MRPL22: variants seen among roughly 807,000 people sequenced by gnomAD.
MRPL22 encodes mitochondrial ribosomal protein L22, also known as large ribosomal subunit protein uL22m.
Under a neutral mutation model 32.4 loss-of-function variants are expected in MRPL22, and 27 were observed. That is an observed-to-expected ratio of 0.83 (90% CI 0.61 to 1.15). MRPL22 has a LOEUF of 1.15. MRPL22 is among the 50% of genes most tolerant of loss of function. The pLI, the probability that MRPL22 is intolerant of heterozygous loss-of-function variation, is 0.00. For missense variants in MRPL22, 239 were observed against 260.2 expected, an observed-to-expected ratio of 0.92 and a Z score of 0.56; for synonymous variants, 86 against 87.3, an observed-to-expected ratio of 0.99 and a Z score of 0.08.
chr5:154,957,338 T>C (rs1764643907), intron 5 of MRPL22, 126 bp downstream of exon 5: 2 of 698,390 alleles, frequency 2.9e-6, no homozygotes, highest in Non-Finnish European at 4.9e-6. Flanking sequence ...GCATACTTTA[T>C]ATAATACAGA....
chr5:154,951,686 G>A lies in MRPL22; in HGVS notation c.195+748G>A, dbSNP rs911349124. On this transcript the variant is annotated intron_variant, in intron 3 of 6. Coordinates refer to ENST00000523037, the MANE Select transcript of MRPL22 (RefSeq NM_014180.4). Reference sequence around the variant, plus strand: ...GGAGTAGCTGGGATTACAGGTGCCCGCCACGATGACCAGCTAATTTTTGTA... The same window carrying A: ...GGAGTAGCTGGGATTACAGGTGCCCACCACGATGACCAGCTAATTTTTGTA... 4.6e-5 allele frequency among the ~76,000 whole-genome samples: 7 copies of A among 151,896 alleles called. No individual in the cohort carries two copies. The South Asian group carries it at 8.3e-4, about 18-fold the overall frequency.
At chr5:154,943,327 T>C (rs908821614) in intron 2 of MRPL22, among the ~76,000 whole-genome samples, 1 of 151,808 alleles carries the variant, frequency 6.6e-6, no homozygotes, top group African/African-American at 2.4e-5. Context: ...CTCAGGCTGG[T>C]CTCTAACTCC....
chr5:154,966,352 C>T (rs574912744), intron 6 of MRPL22, among the ~76,000 whole-genome samples: 2 of 152,324 alleles, frequency 1.3e-5, no homozygotes, highest in African/African-American at 4.8e-5. Context: ...TCCCTTACAC[C>T]CCATCATTGT....
chr5:154,948,032 C>G (rs906600050), intron 2 of MRPL22, among the ~76,000 whole-genome samples: 1 of 152,186 alleles, frequency 6.6e-6, no homozygotes, highest in African/African-American at 2.4e-5. Flanking sequence ...CTATGTCTCG[C>G]TAAAGAGTCT....
chr5:154,953,136 A>G (rs1303073653), intron 3 of MRPL22, among the ~76,000 whole-genome samples: 2 of 152,122 alleles, frequency 1.3e-5, no homozygotes, highest in African/African-American at 4.8e-5. Flanking sequence ...AGGTGGGCAT[A>G]TCACAAGGTC....
intron 5 of MRPL22, among the ~76,000 whole-genome samples, chr5:154,958,472 C>G (rs1450811580): frequency 6.9e-6 from 1 of 144,432 alleles, no homozygotes; most frequent in Non-Finnish European, 1.6e-5. Context: ...GTGTACCCAG[C>G]CTTGTACTAC....
chr5:154,951,032 A>G (rs1474852935), intron 3 of MRPL22, 94 bp downstream of exon 3: 11 of 809,956 alleles, frequency 1.4e-5, no homozygotes, highest in Non-Finnish European at 2.0e-5. Flanking sequence ...TAAAAAAATT[A>G]TACAACCATT....
chr5:154,965,499 G>A (rs370877202), intron 6 of MRPL22, among the ~76,000 whole-genome samples: 63 of 149,964 alleles, frequency 4.2e-4, no homozygotes, highest in Non-Finnish European at 7.2e-4. Flanking sequence ...ATCTTGGCTC[G>A]CTGCAACCTC....
In MRPL22 at chr5:154,941,272, C is replaced by T. The variant is rs1764411095; in HGVS notation, c.77+7C>T. 6.2e-7 allele frequency: 1 copy of T among 1,612,780 alleles called. No homozygotes were observed. Among genetic ancestry groups the T allele is most frequent in the Non-Finnish European group, 8.5e-7 (1 of 1,180,014 alleles). ...GGGGGAAGCTGGCCTTGGGGTGAGT[C>T]TCTCGCTTCGGAGTTTCGGAAGGGC... is the stretch of plus-strand genomic sequence containing the variant. On this transcript the variant is annotated splice_region_variant and intron_variant, in intron 2 of 6. Coordinates refer to ENST00000523037, the MANE Select transcript of MRPL22 (RefSeq NM_014180.4).
chr5:154,960,947 A>T (rs1253653005), intron 6 of MRPL22, among the ~76,000 whole-genome samples: 1 of 152,246 alleles, frequency 6.6e-6, no homozygotes, highest in African/African-American at 2.4e-5. Context: ...TTTTAAATTC[A>T]AGATATGGGG....
chr5:154,956,374 A>G lies in MRPL22; in HGVS notation c.199A>G (p.Ile67Val), dbSNP rs758633221. 6.2e-7 allele frequency: 1 copy of G among 1,606,016 alleles called. No individual in the cohort carries two copies. ...LPGEPRRPAE[I>V]YHCRRQIKYS... ...CCTTTTTTTTCCAATTTGTAAGGAA[A>G]TCTACCACTGTCGAAGACAAATAAA... The change falls in exon 4 of 7, where the codon ATC becomes GTC. Residue 67 changes from isoleucine (I) to valine (V), a missense_variant. Transcript: ENST00000523037.
intron 2 of MRPL22, among the ~76,000 whole-genome samples, chr5:154,947,144 G>C (rs1252923830): frequency 1.3e-5 from 2 of 152,100 alleles, no homozygotes; most frequent in Admixed American, 1.3e-4. Context: ...ACTTGCATTT[G>C]AGCTTCTTAA....
Position 154,966,838 on chromosome 5 carries a change from G to C in MRPL22, c.562G>C (p.Ala188Pro), listed in dbSNP as rs764881928. ...ACCTGAGCCACCAAAGACGGCAGTTGCCCATGCCAAAGAGTATATTCAGCA... is the reference window on the plus strand; with the variant it reads ...ACCTGAGCCACCAAAGACGGCAGTTCCCCATGCCAAAGAGTATATTCAGCA... The part of the protein sequence containing the change: ...PPPEPPKTAV[A>P]HAKEYIQQLR... Residue 188 changes from alanine to proline, a missense_variant, in exon 7 of 7, where the codon GCC (alanine) becomes CCC (proline). Ala to Pro is a conservative substitution (Grantham distance 27, BLOSUM62 -1). Coordinates refer to ENST00000523037, the MANE Select transcript of MRPL22 (RefSeq NM_014180.4). 4 of 1,614,116 alleles carry C rather than the reference G, an allele frequency of 2.5e-6. No individual in the cohort carries two copies. The South Asian group carries it at 3.3e-5, about 13-fold the overall frequency.
intron 2 of MRPL22, among the ~76,000 whole-genome samples, chr5:154,941,914 A>G (rs1394047681): frequency 6.6e-6 from 1 of 152,060 alleles, no homozygotes; most frequent in East Asian, 1.9e-4. Context: ...CTGATTGTAA[A>G]TTTTCTGGTC....
At chr5:154,959,417 C>T (rs915048503) in intron 5 of MRPL22, among the ~76,000 whole-genome samples, 25 of 152,100 alleles carry the variant, frequency 1.6e-4, no homozygotes, top group Admixed American at 1.4e-3. Flanking sequence ...AATCTTGGCT[C>T]ACTGCAGCCT....
Position 154,967,184 on chromosome 5 carries a change from C to T in MRPL22, c.*287C>T, listed in dbSNP as rs773208550. The T allele has an allele frequency of 2.7e-6, 1 of 377,028 alleles. No homozygotes were observed. Among genetic ancestry groups the T allele is most frequent in the Non-Finnish European group, 4.9e-6 (1 of 205,984 alleles). 23.4% of individuals were successfully genotyped at this position (377,028 alleles called of 1,614,324 possible). A position where few individuals can be genotyped will look rare whatever the true frequency, so the allele number is the denominator to read the frequency against. On this transcript the variant is annotated 3_prime_UTR_variant, in exon 7 of 7. Coordinates refer to ENST00000523037, the MANE Select transcript of MRPL22 (RefSeq NM_014180.4). The surrounding 1 kb of genome is among the most constrained non-coding windows in gnomAD (Gnocchi z 4.7). ...TTGAAAGGGAATGTTAACTTTCCAA[C>T]TAGTGTCCTGCAGGTGGCTGTTTTG...
intron 2 of MRPL22, 66 bp downstream of exon 2, chr5:154,941,331 C>T (rs1764412541): frequency 1.3e-6 from 2 of 1,598,392 alleles, no homozygotes; most frequent in Admixed American, 1.7e-5. Flanking sequence ...CAGTTGGTAA[C>T]TGAGCGCCTC....
chr5:154,942,584 A>G (rs1582686086), intron 2 of MRPL22, among the ~76,000 whole-genome samples: 2 of 152,184 alleles, frequency 1.3e-5, no homozygotes, highest in Non-Finnish European at 2.9e-5. Flanking sequence ...TTTTCCTACT[A>G]TGCCCTCACA....
chr5:154,960,294 A>G (rs565092793), intron 6 of MRPL22, among the ~76,000 whole-genome samples: 18 of 152,338 alleles, frequency 1.2e-4, no homozygotes, highest in Non-Finnish European at 2.9e-5. Flanking sequence ...AATAATTATT[A>G]AATAATAGAT....
Sources: allele counts gnomAD v4.1 joint callset (sites outside exome capture counted in the v4.1 genomes callset), GRCh38; gene constraint gnomAD v4.1.1; non-coding constraint Gnocchi (gnomAD v3.1); transcripts MANE v1.5; gene names NCBI Gene and HGNC (gene_info 2026-07-23, HGNC 2026-07-21).